Variants in AIG1 observed in about 807,000 individuals in gnomAD.
AIG1 encodes androgen-induced gene 1 protein.
Under a neutral mutation model 31.4 loss-of-function variants are expected in AIG1, and 23 were observed. That is an observed-to-expected ratio of 0.73 (90% CI 0.53 to 1.04). The LOEUF (loss-of-function observed/expected upper bound fraction) is 1.04, where lower values mean the gene tolerates loss of function less well. Among genes scored for constraint, AIG1 ranks in the 50% least tolerant of loss-of-function variants. The pLI is 0.00. For synonymous variants in AIG1, 100 were observed against 110.5 expected, an observed-to-expected ratio of 0.90 and a Z score of 0.60; for missense variants, 274 against 295.0, an observed-to-expected ratio of 0.93 and a Z score of 0.52.
At chr6:143,252,424 C>T (rs974767125) in intron 3 of AIG1, among the ~76,000 whole-genome samples, 25 of 152,124 alleles carry the variant, frequency 1.6e-4, no homozygotes, top group Non-Finnish European at 2.8e-4. Context: ...TTTCTCTTAA[C>T]GCACAGTACA....
intron 3 of AIG1, among the ~76,000 whole-genome samples, chr6:143,238,782 C>A (rs1261127109): frequency 6.6e-6 from 1 of 152,132 alleles, no homozygotes; most frequent in Non-Finnish European, 1.5e-5. Flanking sequence ...TGGAGCAAAA[C>A]CTTTATTATC....
Position 143,327,616 on chromosome 6 carries a change from T to C in AIG1, c.516-5666T>C, listed in dbSNP as rs59958506. ...CAGTTACCTATGTACCTGTTACCAC[T>C]TTCAAAAATCTGCAGATAGTCAATG... is the stretch of plus-strand genomic sequence containing the variant. On this transcript the variant is annotated intron_variant, in intron 4 of 5. Transcript: ENST00000357847. This position sits in a 1 kb window ranked among gnomAD's most constrained non-coding sequence, Gnocchi z 5.3. 1.4e-3 allele frequency: 443 copies of C among 310,674 alleles called. 3 individuals are homozygous for C. The highest frequency in any genetic ancestry group is 9.4e-3 in the African/African-American group (418 of 44,544). The allele number at this position is 310,674 out of a possible 1,614,324, so 19.2% of individuals were successfully genotyped here.
intron 3 of AIG1, among the ~76,000 whole-genome samples, chr6:143,226,943 C>T (rs1793006332): frequency 6.6e-6 from 1 of 151,300 alleles, no homozygotes; most frequent in South Asian, 2.1e-4. Flanking sequence ...GAATGCTACC[C>T]AACACAAATT....
chr6:143,068,217 C>T (rs1362474940), intron 1 of AIG1, among the ~76,000 whole-genome samples: 1 of 151,688 alleles, frequency 6.6e-6, no homozygotes, highest in Non-Finnish European at 1.5e-5. Context: ...TGAGGGTTTT[C>T]ATTTGTTTCT....
At chr6:143,337,461 C>G (rs998725191) in intron 5 of AIG1, among the ~76,000 whole-genome samples, 5 of 151,970 alleles carry the variant, frequency 3.3e-5, no homozygotes, top group Admixed American at 3.3e-4. Flanking sequence ...GAGAGTTAAG[C>G]ACTTCGATGT....
intron 3 of AIG1, among the ~76,000 whole-genome samples, chr6:143,229,784 C>CA (rs751464049): frequency 0.13 from 10,268 of 80,618 alleles, 514 homozygotes; most frequent in Non-Finnish European, 0.16. Flanking sequence ...ACTCTCAGAA[C>CA]AAAAAAAAAA....
chr6:143,168,713 G>A (rs958584317), intron 3 of AIG1, among the ~76,000 whole-genome samples: 2 of 151,888 alleles, frequency 1.3e-5, no homozygotes, highest in Admixed American at 6.6e-5. Flanking sequence ...TGAGGTGGGG[G>A]GATTGCTTGA....
chr6:143,174,184 C>T (rs1484881890), intron 3 of AIG1, among the ~76,000 whole-genome samples: 2 of 152,082 alleles, frequency 1.3e-5, no homozygotes, highest in Non-Finnish European at 2.9e-5. Context: ...TCTGTTTTGT[C>T]TGATATAAGA....
chr6:143,304,311 A>G (rs1428426842), intron 4 of AIG1, among the ~76,000 whole-genome samples: 5 of 150,892 alleles, frequency 3.3e-5, no homozygotes, highest in Non-Finnish European at 4.4e-5. Flanking sequence ...GCCAGTTTTC[A>G]AAGGGAATGC....
chr6:143,108,611 ATTAACACTTGCCT>A (rs1781018594), intron 1 of AIG1, among the ~76,000 whole-genome samples: 1 of 152,332 alleles, frequency 6.6e-6, no homozygotes, highest in Non-Finnish European at 1.5e-5. Flanking sequence ...ATGTGAGGAT[ATTAACACTTGCCT>A]TCGCCAGTTT....
In AIG1 at chr6:143,284,244, G is replaced by A; in HGVS notation, c.515+19G>A. On this transcript the variant is annotated intron_variant, in intron 4 of 5. Transcript: ENST00000357847. This position sits in a 1 kb window ranked among gnomAD's most constrained non-coding sequence, Gnocchi z 4.4. ...TATTATGGTAAGGACCATGCCTGCT[G>A]GGCTTTCTTATTGTATTAGATTTTG... 1.9e-6 allele frequency: 3 copies of A among 1,563,866 alleles called. No individual in the cohort carries two copies. Among genetic ancestry groups the A allele is most frequent in the Non-Finnish European group, 2.6e-6 (3 of 1,137,816 alleles).
intron 4 of AIG1, among the ~76,000 whole-genome samples, chr6:143,305,660 T>G (rs892066773): frequency 2.0e-5 from 3 of 152,226 alleles, no homozygotes; most frequent in African/African-American, 7.2e-5. Context: ...TGGTCAATTT[T>G]GGAATAGGTG....
rs1774967514 is a variant in AIG1, at chr6:143,308,392, A to G, written c.515+24167A>G. Among the ~76,000 whole-genome samples, 4 of 152,222 alleles carry G rather than the reference A, an allele frequency of 2.6e-5. No individual in the cohort carries two copies. In the South Asian group the frequency reaches 8.3e-4, roughly 31 times the overall value. Reference sequence around the variant, plus strand: ...CTACTTTTTAAGGTATAAGGATAACATTGAGGAATGAAAACAGCTTTGGAT... The same window carrying G: ...CTACTTTTTAAGGTATAAGGATAACGTTGAGGAATGAAAACAGCTTTGGAT... On this transcript the variant is annotated intron_variant, in intron 4 of 5. Transcript: ENST00000357847.
chr6:143,275,935 C>T (rs571119494), intron 3 of AIG1, among the ~76,000 whole-genome samples: 1 of 152,318 alleles, frequency 6.6e-6, no homozygotes, highest in South Asian at 2.1e-4. Flanking sequence ...TGGGTCATCT[C>T]TAGCATCCCA....
intron 3 of AIG1, among the ~76,000 whole-genome samples, chr6:143,172,793 G>A (rs941374947): frequency 6.6e-6 from 1 of 151,934 alleles, no homozygotes; most frequent in Admixed American, 6.6e-5. Context: ...TTTAATCTAG[G>A]GAGGTTGTAT....
chr6:143,067,935 C>T (rs981695866), intron 1 of AIG1, among the ~76,000 whole-genome samples: 7 of 152,024 alleles, frequency 4.6e-5, no homozygotes, highest in African/African-American at 1.7e-4. Flanking sequence ...AATGTTTTTT[C>T]CTAACCTGGA....
At chr6:143,115,435 G>A (rs1301538974) in intron 1 of AIG1, among the ~76,000 whole-genome samples, 2 of 150,546 alleles carry the variant, frequency 1.3e-5, no homozygotes, top group Non-Finnish European at 1.5e-5. Flanking sequence ...TTATACCATG[G>A]TATTTATTTA....
intron 1 of AIG1, among the ~76,000 whole-genome samples, chr6:143,104,763 G>A (rs1040752964): frequency 1.3e-5 from 2 of 152,088 alleles, no homozygotes; most frequent in Non-Finnish European, 2.9e-5. Context: ...AATTAGCTGA[G>A]CATGGTGATG....
At chr6:143,233,118 T>C (rs1413031312) in intron 3 of AIG1, among the ~76,000 whole-genome samples, 1 of 152,106 alleles carries the variant, frequency 6.6e-6, no homozygotes, top group African/African-American at 2.4e-5. Flanking sequence ...CCCTGGGATC[T>C]GCCCCCACTC....
Sources: allele counts gnomAD v4.1 joint callset (sites outside exome capture counted in the v4.1 genomes callset), GRCh38; gene constraint gnomAD v4.1.1; non-coding constraint Gnocchi (gnomAD v3.1); transcripts MANE v1.5; gene names NCBI Gene and HGNC (gene_info 2026-07-23, HGNC 2026-07-21).